The following AFF3 variants were observed in gnomAD, a reference collection of about 807,000 sequenced individuals.
AFF3 encodes AF4/FMR2 family member 3.
A neutral mutation model predicts 129.7 loss-of-function variants in AFF3; 32 were observed. The observed-to-expected ratio is 0.25, with a 90% CI of 0.19 to 0.33. The LOEUF (loss-of-function observed/expected upper bound fraction) is 0.33. AFF3 is among the 10% of genes least tolerant of loss of function. The pLI is 1.00. For missense variants in AFF3, 1,373 were observed against 1,592.0 expected (o/e 0.86, Z 2.34); for synonymous variants, 644 against 635.4 (o/e 1.01, Z -0.20).
At chr2:100,133,045 C>T (rs1296590876) in intron 1 of AFF3, among the ~76,000 whole-genome samples, 1 of 151,630 alleles carries the variant, frequency 6.6e-6, no homozygotes, top group African/African-American at 2.4e-5. Context: ...CCTTCCACCT[C>T]AGCCTCCCAA....
intron 13 of AFF3, among the ~76,000 whole-genome samples, chr2:99,647,595 A>G (rs1419105167): frequency 6.6e-6 from 1 of 152,236 alleles, no homozygotes; most frequent in East Asian, 1.9e-4. Context: ...ATGTTTACCC[A>G]TGTAACAAAC....
rs367879177 is a variant in AFF3, at chr2:99,587,150, G to C, written c.2591+4C>G. On this transcript the variant is annotated splice_donor_region_variant and intron_variant, in intron 16 of 24. Transcript: ENST00000672756. ...CACTTCCACTTTGGAGGGAATGCAC[G>C]TACCTGTTGATGTTCATGTTGCAGT... 6.2e-7 allele frequency: 1 copy of C among 1,614,016 alleles called. No individual in the cohort carries two copies. The highest frequency in any genetic ancestry group is 1.1e-5 in the South Asian group (1 of 91,058).
intron 7 of AFF3, among the ~76,000 whole-genome samples, chr2:99,917,245 G>C (rs1011887180): frequency 6.6e-6 from 1 of 152,168 alleles, no homozygotes; most frequent in African/African-American, 2.4e-5. Context: ...CTACTAACAG[G>C]GTGTCGGGGA....
chr2:100,104,132 C>T (rs1016539186), intron 4 of AFF3, among the ~76,000 whole-genome samples: 1 of 152,080 alleles, frequency 6.6e-6, no homozygotes, highest in Non-Finnish European at 1.5e-5. Context: ...CACGGCTGCG[C>T]TCTGCCCCTG....
Position 99,722,407 on chromosome 2 carries a change from T to C in AFF3, c.1091+4670A>G, listed in dbSNP as rs1487589985. 3.3e-5 allele frequency among the ~76,000 whole-genome samples: 5 copies of C among 152,350 alleles called. No homozygotes were observed. The South Asian group carries it at 1.0e-3, about 32-fold the overall frequency. ...TTTTTTGTTCTATCAGGCAATAAAA[T>C]CTCTAGCTGATTAGCTTGAGCTTTT... On this transcript the variant is annotated intron_variant, in intron 11 of 24. Transcript: ENST00000672756.
intron 4 of AFF3, among the ~76,000 whole-genome samples, chr2:100,054,728 A>T (rs75973489): frequency 1.7e-3 from 264 of 152,292 alleles, no homozygotes; most frequent in African/African-American, 6.0e-3. Flanking sequence ...TTCCCTGGAA[A>T]ATCCTAATAC....
chr2:100,019,710 C>G (rs901138094), intron 4 of AFF3, among the ~76,000 whole-genome samples: 5 of 152,180 alleles, frequency 3.3e-5, no homozygotes, highest in African/African-American at 1.2e-4. Flanking sequence ...ACCACAAAAG[C>G]AGAATCGGGA....
At position 99,762,185 on chromosome 2, in the gene AFF3, C is replaced by T. The variant is rs573604072; in HGVS notation, c.922-9884G>A. Among the ~76,000 whole-genome samples the T allele has an allele frequency of 1.4e-4, 21 of 150,158 alleles. No individual in the cohort carries two copies. In the South Asian group the frequency reaches 1.5e-3, roughly 11 times the overall value. On this transcript the variant is annotated intron_variant, in intron 8 of 24. Transcript: ENST00000672756. ...TGTCACCCAGGCTAGAATGCAATGG[C>T]GTGATCTCAGCTCACTGCAACCTCT... is the stretch of plus-strand genomic sequence containing the variant.
chr2:99,744,771 T>C (rs1239533863), intron 9 of AFF3, among the ~76,000 whole-genome samples: 1 of 152,246 alleles, frequency 6.6e-6, no homozygotes, highest in Non-Finnish European at 1.5e-5. Context: ...AACAATGTGT[T>C]TATCCATTCA....
At chr2:99,665,239 A>G (rs1279408326) in intron 12 of AFF3, among the ~76,000 whole-genome samples, 2 of 152,238 alleles carry the variant, frequency 1.3e-5, no homozygotes, top group East Asian at 3.8e-4. Flanking sequence ...ACTTGATCTG[A>G]TTTTTAAAAG....
intron 8 of AFF3, among the ~76,000 whole-genome samples, chr2:99,763,100 G>T (rs189578888): frequency 1.3e-5 from 2 of 152,350 alleles, no homozygotes; most frequent in East Asian, 3.9e-4. Context: ...AGTAGCCCTG[G>T]AGTAAGATCA....
chr2:99,626,548 TTCTC>T (rs1299204757), intron 13 of AFF3, among the ~76,000 whole-genome samples: 29 of 130,668 alleles, frequency 2.2e-4, no homozygotes, highest in Non-Finnish European at 3.4e-4. Context: ...CCCTTCTCCC[TTCTC>T]CCTCCCCTCC....
chr2:99,673,928 G>C (rs1189087920), intron 11 of AFF3, among the ~76,000 whole-genome samples: 1 of 152,214 alleles, frequency 6.6e-6, no homozygotes, highest in African/African-American at 2.4e-5. Context: ...ACGTGTTATA[G>C]AGGGCAATCC....
chr2:99,674,809 A>G (rs998742167), intron 11 of AFF3, among the ~76,000 whole-genome samples: 3 of 152,226 alleles, frequency 2.0e-5, no homozygotes, highest in African/African-American at 7.2e-5. Context: ...GGTTGGCTGC[A>G]AACTAGCCGT....
At chr2:99,722,007 ATGAGTT>A (rs1421106847) in intron 11 of AFF3, among the ~76,000 whole-genome samples, 2 of 152,156 alleles carry the variant, frequency 1.3e-5, no homozygotes, top group Non-Finnish European at 2.9e-5. Context: ...TCTTACTGAT[ATGAGTT>A]TAAGTTTACT....
At chr2:99,606,713 G>C (rs1401148262) in intron 13 of AFF3, among the ~76,000 whole-genome samples, 1 of 151,764 alleles carries the variant, frequency 6.6e-6, no homozygotes, top group Non-Finnish European at 1.5e-5. Flanking sequence ...GTCAGATCAA[G>C]ACCATCCTGG....
chr2:100,044,437 A>G (rs970541395), intron 4 of AFF3, among the ~76,000 whole-genome samples: 3 of 152,078 alleles, frequency 2.0e-5, no homozygotes, highest in Admixed American at 6.6e-5. Context: ...ACCCCCTTCC[A>G]TCTATCTACC....
rs70940180 is a variant in AFF3, at chr2:99,618,224, C to CTTTTTTTTTTTTTTT, written c.1185-16618_1185-16604dup. Among the ~76,000 whole-genome samples, 11 of 80,084 alleles carry CTTTTTTTTTTTTTTT rather than the reference C, an allele frequency of 1.4e-4. 2 individuals are homozygous for CTTTTTTTTTTTTTTT. The highest frequency in any genetic ancestry group is 6.2e-4 in the African/African-American group (11 of 17,674). 52.5% of individuals were successfully genotyped at this position (80,084 alleles called of 152,430 possible). ...TAGATGAGAAAATGCTCATAACATT[C>CTTTTTTTTTTTTTTT]TTTTTTTTTTTTTTTTTTTTTTTTT... On this transcript the variant is annotated intron_variant, in intron 13 of 24. Coordinates refer to ENST00000672756, the MANE Select transcript of AFF3 (RefSeq NM_001386135.1).
chr2:99,857,112 G>T (rs1690586649), intron 7 of AFF3, among the ~76,000 whole-genome samples: 1 of 151,946 alleles, frequency 6.6e-6, no homozygotes, highest in Admixed American at 6.6e-5. Flanking sequence ...TAGGTTTCAA[G>T]AAGATTGCTC....
Sources: gnomAD v4.1 joint callset for allele counts (sites outside exome capture counted in the v4.1 genomes callset) on GRCh38, gnomAD v4.1.1 for gene constraint, MANE v1.5 for transcripts, NCBI Gene and HGNC (gene_info 2026-07-23, HGNC 2026-07-21) for gene names.